The following TMEM163 variants were observed in gnomAD, a reference collection of about 807,000 sequenced individuals.
The protein encoded by TMEM163 is transmembrane protein 163.
A neutral mutation model predicts 29.3 loss-of-function variants in TMEM163; 17 were observed. That is an observed-to-expected ratio of 0.58 (90% CI 0.40 to 0.87). The LOEUF is 0.87. Among genes scored for constraint, TMEM163 ranks in the 40% least tolerant of loss-of-function variants. The pLI, the probability that TMEM163 is intolerant of heterozygous loss-of-function variation, is 0.00. For synonymous variants in TMEM163, 157 were observed against 160.6 expected (o/e 0.98, Z 0.17); for missense variants, 303 against 381.5 (o/e 0.79, Z 1.71).
chr2:134,519,519 G>T (rs561103570), intron 4 of TMEM163, among the ~76,000 whole-genome samples: 3 of 152,022 alleles, frequency 2.0e-5, no homozygotes, highest in Admixed American at 2.0e-4. Flanking sequence ...AGACCATCCT[G>T]GCTAACACAG....
intron 7 of TMEM163, among the ~76,000 whole-genome samples, chr2:134,457,203 G>C (rs1686418111): frequency 6.6e-6 from 1 of 152,154 alleles, no homozygotes; most frequent in Non-Finnish European, 1.5e-5. Flanking sequence ...ATGGACAATT[G>C]TGTTGCTTCT....
chr2:134,471,431 G>A (rs148392168), intron 5 of TMEM163, among the ~76,000 whole-genome samples: 1 of 152,292 alleles, frequency 6.6e-6, no homozygotes, highest in East Asian at 1.9e-4. Flanking sequence ...GACACAGTGA[G>A]AAGGCAGCCA....
At chr2:134,622,381 G>C (rs1314907561) in intron 2 of TMEM163, among the ~76,000 whole-genome samples, 4 of 152,166 alleles carry the variant, frequency 2.6e-5, no homozygotes, top group Admixed American at 6.5e-5. Flanking sequence ...CTTCACTTCT[G>C]TACAGGAAGA....
At chr2:134,576,000 AG>A (rs1681547169) in intron 2 of TMEM163, among the ~76,000 whole-genome samples, 1 of 152,288 alleles carries the variant, frequency 6.6e-6, no homozygotes, top group South Asian at 2.1e-4. Flanking sequence ...AGCCAGTGAA[AG>A]AAACAAATGA....
chr2:134,675,527 A>AGG (rs1257937265), intron 2 of TMEM163, among the ~76,000 whole-genome samples: 9 of 152,358 alleles, frequency 5.9e-5, no homozygotes, highest in Admixed American at 2.0e-4. Context: ...TGATTTCTCA[A>AGG]GGGACCGATA....
At chr2:134,683,944 C>T (rs1684302121) in intron 2 of TMEM163, among the ~76,000 whole-genome samples, 2 of 152,168 alleles carry the variant, frequency 1.3e-5, no homozygotes, top group Non-Finnish European at 1.5e-5. Flanking sequence ...CTGAAGGGTA[C>T]AGTTTAACTT....
chr2:134,497,160 G>A (rs765399518), intron 5 of TMEM163, among the ~76,000 whole-genome samples: 4 of 152,202 alleles, frequency 2.6e-5, no homozygotes, highest in Non-Finnish European at 5.9e-5. Context: ...AGCAGCTAAT[G>A]AGTCTCTCCC....
chr2:134,623,662 G>T (rs1452654762), intron 2 of TMEM163, among the ~76,000 whole-genome samples: 1 of 152,094 alleles, frequency 6.6e-6, no homozygotes, highest in African/African-American at 2.4e-5. Context: ...AGCTACTCGG[G>T]GGGCTGAGGC....
chr2:134,472,619 C>T (rs2106476717), intron 5 of TMEM163, among the ~76,000 whole-genome samples: 1 of 152,294 alleles, frequency 6.6e-6, no homozygotes, highest in South Asian at 2.1e-4. Context: ...TATACCTGTA[C>T]ATGTATGCAA....
intron 4 of TMEM163, among the ~76,000 whole-genome samples, chr2:134,538,012 G>T (rs1363201119): frequency 6.6e-6 from 1 of 152,216 alleles, no homozygotes; most frequent in Non-Finnish European, 1.5e-5. Flanking sequence ...CTGCTGGTGG[G>T]AATGTAAAAT....
intron 2 of TMEM163, among the ~76,000 whole-genome samples, chr2:134,562,178 C>T (rs1681197906): frequency 6.6e-6 from 1 of 152,166 alleles, no homozygotes. Flanking sequence ...CCCCAAAGCT[C>T]CCTGCCCCTA....
At chr2:134,592,323 C>G (rs1370011098) in intron 2 of TMEM163, among the ~76,000 whole-genome samples, 1 of 152,106 alleles carries the variant, frequency 6.6e-6, no homozygotes, top group Non-Finnish European at 1.5e-5. Context: ...CCATGAAAAG[C>G]CTGGCTGCAT....
chr2:134,676,535 A>T (rs1457392193), intron 2 of TMEM163, among the ~76,000 whole-genome samples: 1 of 152,184 alleles, frequency 6.6e-6, no homozygotes, highest in African/African-American at 2.4e-5. Flanking sequence ...ACTGATTTCC[A>T]GTGTACAATT....
chr2:134,495,699 G>A (rs565908470), intron 5 of TMEM163, among the ~76,000 whole-genome samples: 9 of 152,290 alleles, frequency 5.9e-5, no homozygotes, highest in Non-Finnish European at 1.2e-4. Flanking sequence ...GAATGGAGTC[G>A]TTCATGCTAA....
intron 6 of TMEM163, among the ~76,000 whole-genome samples, chr2:134,465,189 T>TAAAAAAAAAAAAAA (rs1181405890): frequency 1.4e-4 from 17 of 117,696 alleles, no homozygotes; most frequent in African/African-American, 4.5e-4. Flanking sequence ...TCCGCATCTT[T>TAAAAAAAAAAAAAA]AAAAAAAAAA....
Position 134,600,609 on chromosome 2 carries a change from C to T in TMEM163, c.323-48518G>A, listed in dbSNP as rs1003080530. ...TTAATCCCCAGTGTGGCAGAATTGA[C>T]AGGTGGAGCCTTTAAGAGGTGATGG... On this transcript the variant is annotated intron_variant, in intron 2 of 7. Transcript: ENST00000281924. 2.0e-5 allele frequency among the ~76,000 whole-genome samples: 3 copies of T among 152,256 alleles called. No individual in the cohort carries two copies. In the East Asian group the frequency reaches 5.8e-4, roughly 29 times the overall value.
chr2:134,649,806 G>A (rs914243069), intron 2 of TMEM163, among the ~76,000 whole-genome samples: 38 of 151,932 alleles, frequency 2.5e-4, no homozygotes, highest in Middle Eastern at 3.4e-3. Context: ...TTGATCTCAG[G>A]AATTTGAGAC....
chr2:134,469,212 T>C (rs1686737973), intron 5 of TMEM163: 2 of 151,896 alleles, frequency 1.3e-5, no homozygotes, highest in African/African-American at 4.8e-5. Flanking sequence ...ATCCAGGGGC[T>C]GTGCGGGAAG....
intron 4 of TMEM163, among the ~76,000 whole-genome samples, chr2:134,538,326 T>A (rs1307657419): frequency 5.3e-5 from 8 of 152,170 alleles, no homozygotes; most frequent in Admixed American, 2.0e-4. Context: ...ACTGAATCCG[T>A]CTTCATCTCA....
Sources: gnomAD v4.1 joint callset for allele counts (sites outside exome capture counted in the v4.1 genomes callset) on GRCh38, gnomAD v4.1.1 for gene constraint, MANE v1.5 for transcripts, NCBI Gene and HGNC (gene_info 2026-07-23, HGNC 2026-07-21) for gene names.